C11orf65: variants seen among roughly 807,000 people sequenced by gnomAD.
C11orf65 encodes the protein protein MFI.
A neutral mutation model predicts 35.3 loss-of-function variants in C11orf65; 38 were observed. The ratio of observed to expected loss-of-function variants is 1.08; its 90% CI spans 0.83 to 1.41. C11orf65 has a LOEUF of 1.41. C11orf65 is among the 40% of genes most tolerant of loss of function. The pLI is 0.00. For missense variants in C11orf65, 370 were observed against 367.1 expected, an observed-to-expected ratio of 1.01 and a Z score of -0.06; for synonymous variants, 105 against 114.4, an observed-to-expected ratio of 0.92 and a Z score of 0.53.
At chr11:108,365,759 A>C in intron 2 of C11orf65, 1 of 504,738 alleles carries the variant, frequency 2.0e-6, no homozygotes. Context: ...CACGCCTGTA[A>C]TCCCAGCACT....
At chr11:108,457,230 T>C (rs2093419992) in intron 2 of C11orf65, among the ~76,000 whole-genome samples, 1 of 152,158 alleles carries the variant, frequency 6.6e-6, no homozygotes, top group South Asian at 2.1e-4. Flanking sequence ...GTAAGTAACC[T>C]ACCCTCTCAA....
At chr11:108,418,983 T>C (rs1280443946) in intron 3 of C11orf65, among the ~76,000 whole-genome samples, 2 of 152,168 alleles carry the variant, frequency 1.3e-5, no homozygotes, top group Admixed American at 1.3e-4. Flanking sequence ...CTAAATTGAA[T>C]GTAATTTAAA....
At chr11:108,373,279 CT>C (rs1300100363) in intron 2 of C11orf65, among the ~76,000 whole-genome samples, 1 of 152,102 alleles carries the variant, frequency 6.6e-6, no homozygotes, top group Non-Finnish European at 1.5e-5. Context: ...GCAGAAAAAG[CT>C]TGTGAGAAAA....
intron 6 of C11orf65, chr11:108,325,576 C>T (rs2136320681): frequency 1.3e-6 from 2 of 1,522,174 alleles, no homozygotes; most frequent in Non-Finnish European, 1.8e-6. Flanking sequence ...GTCATCTTAC[C>T]TCTTGACTTT....
At chr11:108,312,381 C>T (rs370279848) in intron 6 of C11orf65, 35 of 1,486,758 alleles carry the variant, frequency 2.4e-5, no homozygotes, top group Non-Finnish European at 4.7e-6. Context: ...AGTATGTTCT[C>T]ATTAAAAGAG....
chr11:108,333,090 A>G (rs1156423980), intron 3 of C11orf65, among the ~76,000 whole-genome samples: 1 of 152,158 alleles, frequency 6.6e-6, no homozygotes, highest in Non-Finnish European at 1.5e-5. Context: ...AGAACTGGTA[A>G]TAGGTGACTA....
chr11:108,383,408 CTAA>C (rs1490466726), intron 8 of C11orf65, among the ~76,000 whole-genome samples: 3 of 152,186 alleles, frequency 2.0e-5, no homozygotes, highest in Non-Finnish European at 4.4e-5. Flanking sequence ...GTCTGATCTA[CTAA>C]TAACTAGCTG....
intron 2 of C11orf65, among the ~76,000 whole-genome samples, chr11:108,446,390 G>A (rs1181420062): frequency 1.1e-4 from 17 of 151,328 alleles, no homozygotes; most frequent in African/African-American, 3.7e-4. Context: ...GAGAAAGGTC[G>A]GGTTACCCAC....
At chr11:108,401,240 T>G (rs746041717) in intron 6 of C11orf65, among the ~76,000 whole-genome samples, 2 of 152,014 alleles carry the variant, frequency 1.3e-5, no homozygotes, top group Non-Finnish European at 2.9e-5. Context: ...GTTTAGTAGA[T>G]TGCACATAAC....
At chr11:108,308,868 G>T in exon 7 of C11orf65, 1 of 666,068 alleles carries the variant, frequency 1.5e-6, no homozygotes, top group South Asian at 1.8e-5. Context: ...TTTTATACCA[G>T]ATTATCTTCT....
chr11:108,384,416 T>G (rs142241175), intron 8 of C11orf65, among the ~76,000 whole-genome samples: 41 of 152,322 alleles, frequency 2.7e-4, no homozygotes, highest in Middle Eastern at 3.4e-3. Context: ...ACCTATGTGC[T>G]AGGTACTACC....
intron 6 of C11orf65, chr11:108,319,867 A>T: frequency 1.1e-6 from 1 of 926,156 alleles, no homozygotes; most frequent in Admixed American, 2.3e-5. Flanking sequence ...TTAATTTAAA[A>T]ATTTTGTCCT....
At chr11:108,330,636 A>G (rs1373324042), downstream of C11orf65, among the ~76,000 whole-genome samples, 1 of 152,214 alleles carries the variant, frequency 6.6e-6, no homozygotes, top group Non-Finnish European at 1.5e-5. Context: ...TTTGTATTAT[A>G]TAAGCTGACA....
chr11:108,344,737 C>T (rs1011578202), intron 2 of C11orf65, among the ~76,000 whole-genome samples: 1 of 152,010 alleles, frequency 6.6e-6, no homozygotes, highest in Non-Finnish European at 1.5e-5. Flanking sequence ...GGTGTGGTAG[C>T]GCATGCCTGT....
intron 2 of C11orf65, among the ~76,000 whole-genome samples, chr11:108,377,214 T>C (rs1024101193): frequency 2.0e-5 from 3 of 151,970 alleles, no homozygotes; most frequent in Non-Finnish European, 2.9e-5. Context: ...TGATGAACAT[T>C]GATGCAAAAA....
At chr11:108,374,110 T>C (rs569188688) in intron 2 of C11orf65, among the ~76,000 whole-genome samples, 1 of 152,344 alleles carries the variant, frequency 6.6e-6, no homozygotes, top group Admixed American at 6.5e-5. Context: ...TAAATGTCCC[T>C]GTCTGACAGC....
At chr11:108,447,122 G>C (rs907344764) in intron 2 of C11orf65, among the ~76,000 whole-genome samples, 3 of 152,112 alleles carry the variant, frequency 2.0e-5, no homozygotes, top group African/African-American at 4.8e-5. Flanking sequence ...GGAGCACCAA[G>C]ATTCATAAAG....
At position 108,411,650 on chromosome 11, in the gene C11orf65, T is replaced by C. The variant is rs976754190; in HGVS notation, c.175-4501A>G. Among the ~76,000 whole-genome samples the C allele has an allele frequency of 2.0e-5, 3 of 152,218 alleles. No individual in the cohort carries two copies. The East Asian group carries it at 5.8e-4, about 29-fold the overall frequency. ...GGTAATTATGTAAGTTTTTGTCTTA[T>C]AAGTACAGAATTTTTATATTTTTCT... On this transcript the variant is annotated intron_variant, in intron 3 of 8. Transcript: ENST00000393084.
At chr11:108,467,743 G>C (rs1324645439), upstream of C11orf65, among the ~76,000 whole-genome samples, 1 of 152,156 alleles carries the variant, frequency 6.6e-6, no homozygotes, top group Non-Finnish European at 1.5e-5. Context: ...ACGAAGTTGG[G>C]CTTAGTATAT....
Sources: gnomAD v4.1 joint callset for allele counts (sites outside exome capture counted in the v4.1 genomes callset) on GRCh38, gnomAD v4.1.1 for gene constraint, MANE v1.5 for transcripts, NCBI Gene and HGNC (gene_info 2026-07-23, HGNC 2026-07-21) for gene names.